Variants in POTEE observed in about 807,000 individuals in gnomAD.
The protein encoded by POTEE is POTE ankyrin domain family member E, also known as ANKRD26-like family C member 1A.
Under a neutral mutation model 74.2 loss-of-function variants are expected in POTEE, and 21 were observed. The ratio of observed to expected loss-of-function variants is 0.28; its 90% CI spans 0.20 to 0.41. The LOEUF is 0.41. POTEE is among the 10% of genes least tolerant of loss of function. The pLI is 1.00. For missense variants in POTEE, 525 were observed against 1,158.6 expected, an observed-to-expected ratio of 0.45 and a Z score of 7.94; for synonymous variants, 211 against 432.8, an observed-to-expected ratio of 0.49 and a Z score of 6.36.
chr2:131,232,597 A>G (rs918870807), intron 9 of POTEE, among the ~76,000 whole-genome samples: 1 of 148,672 alleles, frequency 6.7e-6, no homozygotes, highest in African/African-American at 2.6e-5. Context: ...TTTTAATACT[A>G]TAGAAATGAG....
Position 131,235,845 on chromosome 2 carries a change from A to C in POTEE, c.1127-887A>C, listed in dbSNP as rs576294555. Among the ~76,000 whole-genome samples, 94 of 151,752 alleles carry C rather than the reference A, an allele frequency of 6.2e-4. 1 individual carries two copies. The highest frequency in any genetic ancestry group is 2.1e-3 in the African/African-American group (87 of 41,392). On this transcript the variant is annotated intron_variant, in intron 9 of 17. Coordinates refer to ENST00000683005, the MANE Select transcript of POTEE (RefSeq NM_001083538.3). ...AAAAAGAAAATAAATGTGTCAGAAT[A>C]GTGGAGGGAAACATTTTAGATATTG...
chr2:131,219,851 A>G (rs1367783703), intron 4 of POTEE, among the ~76,000 whole-genome samples: 5 of 152,124 alleles, frequency 3.3e-5, no homozygotes, highest in African/African-American at 4.8e-5. Flanking sequence ...TATTATTGTG[A>G]TAAATTAATT....
intron 8 of POTEE, among the ~76,000 whole-genome samples, chr2:131,229,444 G>C (rs1385230776): frequency 8.5e-5 from 13 of 152,264 alleles, no homozygotes; most frequent in East Asian, 3.9e-4. Flanking sequence ...AAAATTGTCG[G>C]AGCTACTTCC....
At chr2:131,231,470 G>T (rs1015950164) in intron 9 of POTEE, among the ~76,000 whole-genome samples, 1 of 152,014 alleles carries the variant, frequency 6.6e-6, no homozygotes, top group African/African-American at 2.4e-5. Context: ...CCTGCTTTGC[G>T]TGGTCCTACC....
intron 16 of POTEE, among the ~76,000 whole-genome samples, chr2:131,261,444 TTAA>T (rs1358352806): frequency 2.6e-5 from 3 of 113,606 alleles, no homozygotes; most frequent in Admixed American, 1.0e-4. Context: ...TCATTATATA[TTAA>T]TAATAATAGA....
In POTEE at chr2:131,263,819, C is replaced by T. The variant is rs1166565387; in HGVS notation, c.2364C>T (p.His788=). Residue 788 remains histidine, a synonymous_variant, in exon 18 of 18, where the codon CAC becomes CAT. Transcript: ENST00000683005. ...ATGACATGGAGAAGATCTGGCACCA[C>T]ACCTTCTACAACGAGCTGCGTGTGG... ...NWDDMEKIWH[H]TFYNELRVAP... is the part of the protein sequence containing the mutation. The T allele has an allele frequency of 1.2e-6, 2 of 1,613,940 alleles. No homozygotes were observed. The highest frequency in any genetic ancestry group is 1.3e-5 in the African/African-American group (1 of 74,922).
rs750621908 is a variant in POTEE, at chr2:131,226,932, A to G, written c.917+3A>G. 2.4e-4 allele frequency: 394 copies of G among 1,611,312 alleles called. No homozygotes were observed. The highest frequency in any genetic ancestry group is 2.5e-4 in the Non-Finnish European group (289 of 1,179,512). ...AATGCACTGGATAGATATGGAAGGT[A>G]TAGTTCTTTCTTTTAATCTGTGTGT... On this transcript the variant is annotated splice_donor_region_variant and intron_variant, in intron 7 of 17. Coordinates refer to ENST00000683005, the MANE Select transcript of POTEE (RefSeq NM_001083538.3).
chr2:131,220,844 C>G (rs893707907), intron 4 of POTEE, among the ~76,000 whole-genome samples: 5 of 151,424 alleles, frequency 3.3e-5, no homozygotes, highest in Non-Finnish European at 7.4e-5. Flanking sequence ...ACCTGTAATC[C>G]CAGCTACTCA....
intron 8 of POTEE, among the ~76,000 whole-genome samples, chr2:131,229,995 T>A (rs1226018104): frequency 1.3e-5 from 2 of 152,114 alleles, no homozygotes; most frequent in African/African-American, 2.4e-5. Flanking sequence ...TCAGCTGGAA[T>A]TGAACATCAA....
At chr2:131,231,272 C>A (rs1329886386) in intron 9 of POTEE, among the ~76,000 whole-genome samples, 1 of 148,280 alleles carries the variant, frequency 6.7e-6, no homozygotes, top group African/African-American at 2.5e-5. Context: ...GTTCATGCTC[C>A]AATGAGTATC....
intron 8 of POTEE, among the ~76,000 whole-genome samples, chr2:131,229,919 A>G (rs1319714122): frequency 6.6e-6 from 1 of 152,124 alleles, no homozygotes; most frequent in Non-Finnish European, 1.5e-5. Flanking sequence ...AAAATTACAG[A>G]ATGTCAGCTT....
At chr2:131,256,764 A>G (rs1257281150) in intron 16 of POTEE, among the ~76,000 whole-genome samples, 2 of 135,590 alleles carry the variant, frequency 1.5e-5, no homozygotes, top group African/African-American at 2.8e-5. Context: ...AGGAAGAACC[A>G]TGTACCAGCA....
In POTEE at chr2:131,219,417, C is replaced by T. The variant is rs562356962; in HGVS notation, c.521+494C>T. ...CTGAAATGGGAAGATGGTTCCTGTG[C>T]TTGAACAGGAAGATTGAATTTTCTT... On this transcript the variant is annotated intron_variant, in intron 4 of 17. Transcript: ENST00000683005. Among the ~76,000 whole-genome samples the T allele has an allele frequency of 2.2e-3, 334 of 151,544 alleles. 1 individual carries two copies. Among genetic ancestry groups the T allele is most frequent in the African/African-American group, 7.0e-3 (289 of 41,208 alleles).
At chr2:131,226,088 C>T (rs1266711462) in intron 6 of POTEE, among the ~76,000 whole-genome samples, 2 of 152,114 alleles carry the variant, frequency 1.3e-5, no homozygotes, top group African/African-American at 4.8e-5. Flanking sequence ...GTAGCAAATT[C>T]TAAACCACTT....
chr2:131,216,998 C>T lies in POTEE; in HGVS notation c.-188-591C>T, dbSNP rs537041564. ...AAGGAGCATAAAAATGTTCTAAAAT[C>T]GTGGTGATTGTTTAACTAGTTAATA... On this transcript the variant is annotated intron_variant, in intron 2 of 17. Coordinates refer to ENST00000683005, the MANE Select transcript of POTEE (RefSeq NM_001083538.3). Among the ~76,000 whole-genome samples the T allele has an allele frequency of 5.9e-5, 9 of 152,350 alleles. No individual in the cohort carries two copies. In the East Asian group the frequency reaches 9.6e-4, roughly 16 times the overall value.
At chr2:131,235,715 C>T (rs1417092356) in intron 9 of POTEE, among the ~76,000 whole-genome samples, 106 of 139,302 alleles carry the variant, frequency 7.6e-4, no homozygotes, top group Non-Finnish European at 1.5e-3. Flanking sequence ...TCGCTTGAAC[C>T]AGGGAGTGTC....
chr2:131,212,165 T>C (rs529114620), intron 2 of POTEE, among the ~76,000 whole-genome samples: 1,801 of 152,018 alleles, frequency 0.012, 39 homozygotes, highest in African/African-American at 0.04. Flanking sequence ...TTACTATGTT[T>C]TAGGGATGAG....
intron 13 of POTEE, among the ~76,000 whole-genome samples, chr2:131,246,205 A>AACAAGATGTGT (rs1701352085): frequency 7.6e-6 from 1 of 131,118 alleles, no homozygotes; most frequent in Non-Finnish European, 1.6e-5. Flanking sequence ...ACTTTGTTGG[A>AACAAGATGTGT]ACAAGATGTG....
At chr2:131,256,882 C>G (rs1352465730) in intron 16 of POTEE, among the ~76,000 whole-genome samples, 4 of 152,428 alleles carry the variant, frequency 2.6e-5, no homozygotes, top group South Asian at 4.1e-4. Flanking sequence ...GCTTGAGATT[C>G]AATTGGGAAC....
Sources: allele counts gnomAD v4.1 joint callset (sites outside exome capture counted in the v4.1 genomes callset), GRCh38; gene constraint gnomAD v4.1.1; transcripts MANE v1.5; gene names NCBI Gene and HGNC (gene_info 2026-07-23, HGNC 2026-07-21).